FSD1L: variants seen among roughly 807,000 people sequenced by gnomAD.
FSD1L encodes fibronectin type III and SPRY domain containing 1 like.
A neutral mutation model predicts 71.6 loss-of-function variants in FSD1L; 45 were observed. The observed-to-expected ratio is 0.63, with a 90% confidence interval of 0.49 to 0.81. The LOEUF (loss-of-function observed/expected upper bound fraction) is 0.81, where lower values mean the gene tolerates loss of function less well. Among genes scored for constraint, FSD1L ranks in the 30% least tolerant of loss-of-function variants. The pLI is 0.00. For synonymous variants in FSD1L, 197 were observed against 207.2 expected (o/e 0.95, Z 0.42); for missense variants, 561 against 618.1 (o/e 0.91, Z 0.98).
chr9:105,544,699 C>A (rs1836860773), intron 13 of FSD1L, among the ~76,000 whole-genome samples: 1 of 152,116 alleles, frequency 6.6e-6, no homozygotes, highest in Admixed American at 6.5e-5. Context: ...TTCCCCATTT[C>A]TTGTTTTTGT....
chr9:105,490,117 A>T (rs1297479316), intron 7 of FSD1L, among the ~76,000 whole-genome samples: 1 of 152,246 alleles, frequency 6.6e-6, no homozygotes, highest in Non-Finnish European at 1.5e-5. Context: ...TTACAGTCCC[A>T]CCAACAGTGT....
intron 1 of FSD1L, among the ~76,000 whole-genome samples, chr9:105,448,472 G>A (rs1232974004): frequency 6.6e-6 from 1 of 152,240 alleles, no homozygotes; most frequent in African/African-American, 2.4e-5. Flanking sequence ...CGCGCTGTCC[G>A]GGGCCCTGAC....
chr9:105,471,195 T>A (rs988925866), intron 4 of FSD1L, among the ~76,000 whole-genome samples: 1 of 152,270 alleles, frequency 6.6e-6, no homozygotes, highest in Non-Finnish European at 1.5e-5. Context: ...AAAAGTCTTT[T>A]GCATATTGAG....
At chr9:105,474,088 A>G (rs1230796431) in intron 5 of FSD1L, among the ~76,000 whole-genome samples, 2 of 152,182 alleles carry the variant, frequency 1.3e-5, no homozygotes, top group African/African-American at 4.8e-5. Context: ...ATCATTAGGC[A>G]GTTTCATCAT....
At chr9:105,514,706 A>G (rs1457219380) in intron 10 of FSD1L, among the ~76,000 whole-genome samples, 1 of 152,160 alleles carries the variant, frequency 6.6e-6, no homozygotes, top group Non-Finnish European at 1.5e-5. Context: ...CACAAAGGAA[A>G]GAGTATCCAC....
At chr9:105,521,810 C>T in intron 10 of FSD1L, 1 of 1,612,580 alleles carries the variant, frequency 6.2e-7, no homozygotes, top group Non-Finnish European at 8.5e-7. Flanking sequence ...CAGAACAAAA[C>T]ATACGAGCTG....
chr9:105,459,930 A>G (rs1257533165), intron 1 of FSD1L, among the ~76,000 whole-genome samples: 2 of 152,200 alleles, frequency 1.3e-5, no homozygotes, highest in African/African-American at 4.8e-5. Context: ...GGGTAAAGCA[A>G]CTTTTCTCAG....
Position 105,535,185 on chromosome 9 carries a change from G to T in FSD1L, c.1245G>T (p.Lys415Asn). ...TGGGGAAATTTGACCAATTGGGAAA[G>T]ACAAACACTAGTTGGTGTATCCATG... ...KTLGKFDQLG[K>N]TNTSWCIHVN... Residue 415 changes from lysine (K) to asparagine (N), a missense_variant, in exon 12 of 14, where the codon AAG becomes AAT. By Grantham distance (94) the Lys-to-Asn change is moderately conservative. This residue lies in a region of FSD1L where 53 missense variants were observed against 102.2 expected (regional missense o/e 0.52). Coordinates refer to ENST00000481272, the MANE Select transcript of FSD1L (RefSeq NM_001145313.3). 1 of 1,552,034 alleles carries T rather than the reference G, an allele frequency of 6.4e-7. No individual in the cohort carries two copies. Among genetic ancestry groups the T allele is most frequent in the Non-Finnish European group, 8.7e-7 (1 of 1,147,068 alleles).
chr9:105,511,451 C>T (rs1455088499), intron 9 of FSD1L, among the ~76,000 whole-genome samples: 2 of 152,098 alleles, frequency 1.3e-5, no homozygotes, highest in African/African-American at 2.4e-5. Flanking sequence ...CTTGGAAATG[C>T]AGGGTATAAG....
At chr9:105,506,834 G>C (rs911896044) in intron 8 of FSD1L, among the ~76,000 whole-genome samples, 2 of 151,340 alleles carry the variant, frequency 1.3e-5, no homozygotes, top group Non-Finnish European at 2.9e-5. Flanking sequence ...TGCAGTGGCG[G>C]GACCTTGGCC....
chr9:105,533,937 C>T (rs1348036579), intron 10 of FSD1L, among the ~76,000 whole-genome samples: 2 of 151,936 alleles, frequency 1.3e-5, no homozygotes, highest in African/African-American at 2.4e-5. Flanking sequence ...TAGTCAGGCT[C>T]GTCTCGAACT....
intron 13 of FSD1L, 128 bp from the exon 14 acceptor site, chr9:105,546,230 G>A: frequency 1.3e-6 from 1 of 773,504 alleles, no homozygotes; most frequent in Non-Finnish European, 1.9e-6. Context: ...GCTGAAATAT[G>A]ACAGTTAATG....
At chr9:105,509,786 C>T (rs1281033705) in intron 9 of FSD1L, among the ~76,000 whole-genome samples, 3 of 152,134 alleles carry the variant, frequency 2.0e-5, no homozygotes, top group African/African-American at 7.2e-5. Flanking sequence ...CTATAGGTAA[C>T]TTAGCCAAGG....
intron 10 of FSD1L, chr9:105,523,884 A>G (rs920147639): frequency 5.0e-6 from 8 of 1,592,824 alleles, no homozygotes; most frequent in Non-Finnish European, 5.2e-6. Flanking sequence ...CACAATGCTT[A>G]TTATGGATTT....
chr9:105,471,805 A>C (rs773058053), intron 4 of FSD1L, 99 bp from the exon 5 acceptor site: 4 of 444,922 alleles, frequency 9.0e-6, no homozygotes, highest in African/African-American at 2.1e-5. Context: ...ATTGCTATTA[A>C]AATTATTTGT....
intron 9 of FSD1L, among the ~76,000 whole-genome samples, chr9:105,511,573 C>A (rs2131375713): frequency 6.6e-6 from 1 of 152,112 alleles, no homozygotes; most frequent in South Asian, 2.1e-4. Flanking sequence ...AAGTTCATTT[C>A]TGTTTAAATG....
chr9:105,460,957 G>A (rs1300593452), intron 1 of FSD1L, among the ~76,000 whole-genome samples: 2 of 152,132 alleles, frequency 1.3e-5, no homozygotes, highest in Non-Finnish European at 2.9e-5. Context: ...ACCTTCTAGA[G>A]TTAATATTTA....
chr9:105,535,495 T>C (rs1698873923), intron 12 of FSD1L, among the ~76,000 whole-genome samples, 177 bp downstream of exon 12: 2 of 152,156 alleles, frequency 1.3e-5, no homozygotes, highest in African/African-American at 4.8e-5. Context: ...GTATATGTGA[T>C]GTCTGCCTGG....
chr9:105,464,871 C>A (rs755775028), intron 3 of FSD1L, among the ~76,000 whole-genome samples: 54 of 151,866 alleles, frequency 3.6e-4, no homozygotes, highest in Non-Finnish European at 6.8e-4. Context: ...TCCCAGCTAC[C>A]CAGGAGGCTG....
Sources: allele counts gnomAD v4.1 joint callset (sites outside exome capture counted in the v4.1 genomes callset), GRCh38; gene constraint gnomAD v4.1.1; regional missense constraint gnomAD v4.1.1; transcripts MANE v1.5; gene names NCBI Gene and HGNC (gene_info 2026-07-23, HGNC 2026-07-21).